Variants in EPHA6 observed in about 807,000 individuals in gnomAD.
EPHA6 encodes EPH receptor A6, also known as ephrin type-A receptor 6.
In EPHA6, 50 loss-of-function variants were observed where a neutral mutation model predicts 112.0. The observed-to-expected ratio is 0.45, with a 90% CI of 0.36 to 0.56. The LOEUF (loss-of-function observed/expected upper bound fraction) is 0.56, where lower values mean the gene tolerates loss of function less well. Ranked by LOEUF, EPHA6 falls within the 20% of genes least tolerant of loss-of-function variation. EPHA6 has a pLI of 0.00. For synonymous variants in EPHA6, 529 were observed against 490.7 expected (o/e 1.08, Z -1.03); for missense variants, 1,280 against 1,417.4 (o/e 0.90, Z 1.56).
chr3:97,701,376 G>A (rs1248792379), intron 14 of EPHA6, among the ~76,000 whole-genome samples: 1 of 152,104 alleles, frequency 6.6e-6, no homozygotes, highest in Non-Finnish European at 1.5e-5. Flanking sequence ...ATCTTGGGAG[G>A]ATCAGAGGGT....
At chr3:97,248,925 T>TTG (rs1215975936) in intron 5 of EPHA6, among the ~76,000 whole-genome samples, 6 of 152,118 alleles carry the variant, frequency 3.9e-5, no homozygotes, top group African/African-American at 1.2e-4. Flanking sequence ...AAACATTCAT[T>TTG]TGTCTTTATA....
intron 5 of EPHA6, among the ~76,000 whole-genome samples, chr3:97,306,332 A>G (rs1002417557): frequency 4.7e-5 from 6 of 126,894 alleles, no homozygotes; most frequent in African/African-American, 9.0e-5. Flanking sequence ...CCTCTTATCT[A>G]TTGAAATTAC....
intron 3 of EPHA6, among the ~76,000 whole-genome samples, chr3:97,172,022 T>A (rs768101665): frequency 7.2e-5 from 11 of 152,094 alleles, no homozygotes; most frequent in Non-Finnish European, 1.6e-4. Flanking sequence ...AATTGGTATC[T>A]GATTTACTGG....
At chr3:97,737,408 G>A (rs2035307821) in intron 16 of EPHA6, among the ~76,000 whole-genome samples, 1 of 151,924 alleles carries the variant, frequency 6.6e-6, no homozygotes, top group Non-Finnish European at 1.5e-5. Context: ...AATGAGGTTG[G>A]GGGTCAGAAG....
At chr3:97,231,488 A>C (rs2078523637) in intron 4 of EPHA6, among the ~76,000 whole-genome samples, 1 of 152,332 alleles carries the variant, frequency 6.6e-6, no homozygotes, top group East Asian at 1.9e-4. Context: ...ATGCGTAGAA[A>C]TGTATTAATG....
At chr3:97,646,346 C>A (rs1456921470) in intron 14 of EPHA6, 1 of 1,395,496 alleles carries the variant, frequency 7.2e-7, no homozygotes, top group South Asian at 1.5e-5. Flanking sequence ...AAATCCTATA[C>A]ATGTAATATA....
intron 11 of EPHA6, among the ~76,000 whole-genome samples, chr3:97,534,458 C>A (rs1400251677): frequency 6.7e-6 from 1 of 149,756 alleles, no homozygotes; most frequent in Admixed American, 6.6e-5. Context: ...ACCCACCCCC[C>A]CCTTTTTTTT....
chr3:97,527,763 G>C (rs1321707335), intron 10 of EPHA6, among the ~76,000 whole-genome samples: 1 of 152,148 alleles, frequency 6.6e-6, no homozygotes, highest in Non-Finnish European at 1.5e-5. Flanking sequence ...ATACTCAGGA[G>C]GATGTGATTG....
intron 2 of EPHA6, among the ~76,000 whole-genome samples, chr3:96,946,375 C>T (rs1203365247): frequency 6.8e-6 from 1 of 146,482 alleles, no homozygotes; most frequent in African/African-American, 2.5e-5. Context: ...CTTCCTGTGT[C>T]CAAGTGTTCT....
chr3:97,303,010 T>G (rs993032547), intron 5 of EPHA6, among the ~76,000 whole-genome samples: 2 of 151,962 alleles, frequency 1.3e-5, no homozygotes, highest in African/African-American at 2.4e-5. Flanking sequence ...AAATGGAATA[T>G]TCACTCAAGT....
rs1054151148 is a variant in EPHA6 at position 97,599,087 on chromosome 3, T to G, written c.2512+6350T>G. On this transcript the variant is annotated intron_variant, in intron 12 of 17. Coordinates refer to ENST00000389672, the MANE Select transcript of EPHA6 (RefSeq NM_001080448.3). ...TTCTTTTGAGAAGTGTCTGTTCATG[T>G]CCTTTGCCCACTTTTTGATGGGGTT... Among the ~76,000 whole-genome samples, 150 of 152,320 alleles carry G rather than the reference T, an allele frequency of 9.8e-4. 1 individual carries two copies. Among genetic ancestry groups the G allele is most frequent in the African/African-American group, 3.4e-3 (140 of 41,568 alleles).
rs535562826 is a variant in EPHA6 at position 97,013,349 on chromosome 3, T to TA, written c.1114+25365dup. Among the ~76,000 whole-genome samples, 150 of 151,508 alleles carry TA rather than the reference T, an allele frequency of 9.9e-4. 1 individual carries two copies. Among genetic ancestry groups the TA allele is most frequent in the South Asian group, 8.6e-3 (41 of 4,786 alleles). ...TAAATTATATTTTACTTAGAAATGA[T>TA]AAAAAAAAAGATTTTCTGTGAACCA... is the stretch of plus-strand genomic sequence containing the variant. On this transcript the variant is annotated intron_variant, in intron 3 of 17. Coordinates refer to ENST00000389672, the MANE Select transcript of EPHA6 (RefSeq NM_001080448.3).
chr3:96,937,451 GTTGT>G (rs1465955959), intron 2 of EPHA6, among the ~76,000 whole-genome samples: 3 of 132,886 alleles, frequency 2.3e-5, no homozygotes, highest in Non-Finnish European at 4.4e-5. Context: ...TTTTGATGGG[GTTGT>G]TTGTTTTTTC....
At chr3:96,915,920 C>A (rs56175670) in intron 2 of EPHA6, among the ~76,000 whole-genome samples, 4 of 151,914 alleles carry the variant, frequency 2.6e-5, no homozygotes, top group African/African-American at 9.7e-5. Context: ...TTGAATGTGT[C>A]GTATAGGTTT....
intron 3 of EPHA6, among the ~76,000 whole-genome samples, chr3:97,041,729 T>C (rs2045322217): frequency 6.6e-6 from 1 of 151,996 alleles, no homozygotes; most frequent in Admixed American, 6.6e-5. Context: ...CGTACAGTCA[T>C]GGCAGAAGGT....
intron 11 of EPHA6, among the ~76,000 whole-genome samples, chr3:97,586,917 G>A (rs993662984): frequency 1.3e-5 from 2 of 152,130 alleles, no homozygotes; most frequent in Admixed American, 1.3e-4. Context: ...GCTACTATGT[G>A]CCAGTTACAG....
chr3:96,859,209 G>A (rs374046363), intron 1 of EPHA6, among the ~76,000 whole-genome samples: 30 of 151,950 alleles, frequency 2.0e-4, no homozygotes, highest in African/African-American at 6.8e-4. Context: ...TTATAATTGT[G>A]CTGTCTTGAT....
intron 1 of EPHA6, among the ~76,000 whole-genome samples, chr3:96,840,665 T>C (rs2034688430): frequency 6.6e-6 from 1 of 152,076 alleles, no homozygotes; most frequent in South Asian, 2.1e-4. Flanking sequence ...GGTACAATTC[T>C]GGAGTGGGCA....
rs2091458767 is a variant in EPHA6, at chr3:97,479,171, G to A, written c.2004-123G>A. The A allele has an allele frequency of 9.0e-6, 5 of 556,906 alleles. No homozygotes were observed. In the South Asian group the frequency reaches 1.5e-4, roughly 16 times the overall value. 34.5% of individuals were successfully genotyped at this position (556,906 alleles called of 1,614,324 possible). A position where few individuals can be genotyped will look rare whatever the true frequency, so the allele number is the denominator to read the frequency against. On this transcript the variant is annotated intron_variant, in intron 8 of 17. Transcript: ENST00000389672. ...CTATAGAATATTTTCACGTTATAAA[G>A]ATATTTTAAAAGTGGTCTTTATGAC...
Sources: gnomAD v4.1 joint callset for allele counts (sites outside exome capture counted in the v4.1 genomes callset) on GRCh38, gnomAD v4.1.1 for gene constraint, MANE v1.5 for transcripts, NCBI Gene and HGNC (gene_info 2026-07-23, HGNC 2026-07-21) for gene names.